The following GPC6 variants were observed in gnomAD, a reference collection of about 807,000 sequenced individuals.
GPC6 encodes glypican-6.
In GPC6, 14 loss-of-function variants were observed where a neutral mutation model predicts 55.2. That is an observed-to-expected ratio of 0.25 (90% CI 0.17 to 0.40). The LOEUF (loss-of-function observed/expected upper bound fraction) is 0.40. Among genes scored for constraint, GPC6 ranks in the 10% least tolerant of loss-of-function variants. The probability of loss-of-function intolerance (pLI) is 1.00; values close to 1 mark genes in which losing one functional copy is unlikely to be tolerated. For synonymous variants in GPC6, 278 were observed against 259.6 expected (o/e 1.07, Z -0.68); for missense variants, 641 against 708.5 (o/e 0.90, Z 1.08).
At chr13:94,249,060 G>A (rs1207938350) in intron 4 of GPC6, among the ~76,000 whole-genome samples, 2 of 152,064 alleles carry the variant, frequency 1.3e-5, no homozygotes, top group African/African-American at 4.8e-5. Context: ...GTAACATATG[G>A]CCAGTTAGTC....
intron 3 of GPC6, among the ~76,000 whole-genome samples, chr13:94,007,751 G>A (rs1019477765): frequency 6.6e-6 from 1 of 152,020 alleles, no homozygotes; most frequent in Non-Finnish European, 1.5e-5. Context: ...CCCATTGTGA[G>A]TACTGGCTCT....
intron 1 of GPC6, among the ~76,000 whole-genome samples, chr13:93,303,817 A>G (rs1878763605): frequency 6.6e-6 from 1 of 152,098 alleles, no homozygotes; most frequent in Non-Finnish European, 1.5e-5. Context: ...TAGAGTTTCA[A>G]TAAAGGCAAA....
At chr13:93,236,334 A>C (rs114401671) in intron 1 of GPC6, among the ~76,000 whole-genome samples, 295 of 152,260 alleles carry the variant, frequency 1.9e-3, no homozygotes, top group African/African-American at 6.8e-3. Context: ...CTGTCACCCA[A>C]ATAGTGTTCA....
At chr13:94,040,942 A>G (rs1201584025) in intron 4 of GPC6, among the ~76,000 whole-genome samples, 2 of 151,882 alleles carry the variant, frequency 1.3e-5, no homozygotes, top group African/African-American at 4.8e-5. Context: ...TGTGGAATTG[A>G]TAGATATTAA....
intron 1 of GPC6, among the ~76,000 whole-genome samples, chr13:93,354,451 C>T (rs950252171): frequency 2.7e-5 from 4 of 148,464 alleles, no homozygotes; most frequent in Admixed American, 6.8e-5. Flanking sequence ...CCCGGGTTCA[C>T]GCCATTCTCC....
chr13:93,900,261 C>A (rs1876272927), intron 3 of GPC6, among the ~76,000 whole-genome samples: 1 of 152,042 alleles, frequency 6.6e-6, no homozygotes, highest in Admixed American at 6.6e-5. Flanking sequence ...ATAATTCAGT[C>A]TTCTAGTTTG....
chr13:93,822,387 G>T (rs963412560), intron 2 of GPC6, among the ~76,000 whole-genome samples: 1 of 152,052 alleles, frequency 6.6e-6, no homozygotes, highest in African/African-American at 2.4e-5. Flanking sequence ...TGCTCTCCAG[G>T]CTCGGTTATC....
chr13:93,427,182 G>T (rs143190698), intron 1 of GPC6, among the ~76,000 whole-genome samples: 1 of 151,984 alleles, frequency 6.6e-6, no homozygotes, highest in Admixed American at 6.6e-5. Context: ...CTCCCATTTT[G>T]TAGGTTGCCT....
chr13:93,854,854 A>T (rs1465870379), intron 3 of GPC6, among the ~76,000 whole-genome samples: 2 of 151,494 alleles, frequency 1.3e-5, no homozygotes, highest in African/African-American at 2.4e-5. Context: ...ACATTTTTTT[A>T]AAAGAATAGA....
chr13:93,923,758 G>T (rs1877699538), intron 3 of GPC6, among the ~76,000 whole-genome samples: 1 of 152,184 alleles, frequency 6.6e-6, no homozygotes, highest in Non-Finnish European at 1.5e-5. Context: ...TAGTCTGGAA[G>T]GTAAGGCTGT....
At chr13:93,578,322 A>G (rs1876764790) in intron 2 of GPC6, among the ~76,000 whole-genome samples, 1 of 152,034 alleles carries the variant, frequency 6.6e-6, no homozygotes, top group Non-Finnish European at 1.5e-5. Flanking sequence ...GGGAAGCCAC[A>G]GTTCCTGGGC....
chr13:93,655,221 T>A (rs1880611308), intron 2 of GPC6, among the ~76,000 whole-genome samples: 1 of 151,996 alleles, frequency 6.6e-6, no homozygotes, highest in Non-Finnish European at 1.5e-5. Flanking sequence ...TTGACAACAG[T>A]TTTCTTTTTT....
At chr13:94,019,704 T>C (rs1219681547) in intron 3 of GPC6, among the ~76,000 whole-genome samples, 1 of 152,210 alleles carries the variant, frequency 6.6e-6, no homozygotes, top group African/African-American at 2.4e-5. Context: ...AGATCCTTAC[T>C]TTATTTATAT....
intron 3 of GPC6, among the ~76,000 whole-genome samples, chr13:93,901,641 G>T (rs181462205): frequency 1.3e-5 from 2 of 151,966 alleles, no homozygotes; most frequent in Non-Finnish European, 2.9e-5. Flanking sequence ...GGTGGTTCAC[G>T]CCTGTAATCC....
At chr13:93,404,208 C>T (rs1037733684) in intron 1 of GPC6, among the ~76,000 whole-genome samples, 6 of 151,386 alleles carry the variant, frequency 4.0e-5, no homozygotes, top group African/African-American at 1.5e-4. Flanking sequence ...TAAAACAAAC[C>T]AACTATAACG....
chr13:94,236,174 G>A (rs928783814), intron 4 of GPC6, among the ~76,000 whole-genome samples: 5 of 152,070 alleles, frequency 3.3e-5, no homozygotes, highest in Non-Finnish European at 5.9e-5. Context: ...ATCTTGGAAT[G>A]TGTTTCATCA....
intron 1 of GPC6, among the ~76,000 whole-genome samples, chr13:93,356,489 C>T (rs1241332500): frequency 1.3e-5 from 2 of 152,172 alleles, no homozygotes; most frequent in African/African-American, 2.4e-5. Context: ...CAAGGTTCCT[C>T]ATTTGATTGC....
At chr13:93,409,115 T>G (rs928009464) in intron 1 of GPC6, among the ~76,000 whole-genome samples, 1 of 151,638 alleles carries the variant, frequency 6.6e-6, no homozygotes, top group African/African-American at 2.4e-5. Flanking sequence ...AAATTTGCTT[T>G]ATCAAGCTGC....
Position 93,920,464 on chromosome 13 carries a change from A to T in GPC6, c.711+89919A>T, listed in dbSNP as rs546247862. On this transcript the variant is annotated intron_variant, in intron 3 of 8. Coordinates refer to ENST00000377047, the MANE Select transcript of GPC6 (RefSeq NM_005708.5). Reference sequence around the variant, plus strand: ...TCTGAATTGCACAATAGAAATGTCTACTTGAAGGTTTCCCTAATATCTCAA... The same window carrying T: ...TCTGAATTGCACAATAGAAATGTCTTCTTGAAGGTTTCCCTAATATCTCAA... Among the ~76,000 whole-genome samples, 36 of 152,230 alleles carry T rather than the reference A, an allele frequency of 2.4e-4. 1 individual carries two copies. The East Asian group carries it at 5.0e-3, about 21-fold the overall frequency.
Sources: allele counts gnomAD v4.1 joint callset (sites outside exome capture counted in the v4.1 genomes callset), GRCh38; gene constraint gnomAD v4.1.1; transcripts MANE v1.5; gene names NCBI Gene and HGNC (gene_info 2026-07-23, HGNC 2026-07-21).